BEST1: variants seen among roughly 807,000 people sequenced by gnomAD.
BEST1 encodes bestrophin-1.
Under a neutral mutation model 63.3 loss-of-function variants are expected in BEST1, and 58 were observed. The ratio of observed to expected loss-of-function variants is 0.92; its 90% CI spans 0.74 to 1.14. The LOEUF (loss-of-function observed/expected upper bound fraction) is 1.14. BEST1 is among the 50% of genes most tolerant of loss of function. The probability of loss-of-function intolerance (pLI) is 0.00; values close to 1 mark genes in which losing one functional copy is unlikely to be tolerated. For synonymous variants in BEST1, 283 were observed against 291.6 expected (o/e 0.97, Z 0.30); for missense variants, 671 against 740.1 (o/e 0.91, Z 1.08).
chr11:61,956,536 TGAGGCTGAGTATCGG>T, intron 4 of BEST1, among the ~76,000 whole-genome samples: 1 of 152,008 alleles, frequency 6.6e-6, no homozygotes, highest in South Asian at 2.1e-4. Context: ...GCCTGCAGTC[TGAGGCTGAGTATCGG>T]GAGGCTGAGG....
intron 9 of BEST1, chr11:61,961,028 T>A (rs1836221062): frequency 6.6e-6 from 1 of 152,164 alleles, no homozygotes; most frequent in Non-Finnish European, 1.5e-5. Flanking sequence ...TTTCTTTTTT[T>A]TTTTTTAAAC....
In BEST1 at chr11:61,959,066, G is replaced by A. The variant is rs143986221; in HGVS notation, c.868-432G>A. 1.1e-3 allele frequency: 319 copies of A among 283,038 alleles called. 8 individuals are homozygous for A. In the East Asian group the frequency reaches 0.021, roughly 18 times the overall value. The allele number at this position is 283,038 out of a possible 1,614,324, so 17.5% of individuals were successfully genotyped here. ...TGTCCCCTGGACCCCTAAGGCAGACGCGTGTCACCTCTTCGGGGCTTTGTT... is the reference window on the plus strand; with the variant it reads ...TGTCCCCTGGACCCCTAAGGCAGACACGTGTCACCTCTTCGGGGCTTTGTT... On this transcript the variant is annotated intron_variant, in intron 7 of 10. Coordinates refer to ENST00000378043, the MANE Select transcript of BEST1 (RefSeq NM_004183.4).
chr11:61,957,951 G>A (rs1159673223), intron 6 of BEST1, among the ~76,000 whole-genome samples, 195 bp from the exon 7 acceptor site: 1 of 149,472 alleles, frequency 6.7e-6, no homozygotes, highest in African/African-American at 2.5e-5. Context: ...TCCAGCCTGG[G>A]CGACACAGCA....
At chr11:61,956,140 C>G (rs1478003260) in intron 4 of BEST1, among the ~76,000 whole-genome samples, 189 bp downstream of exon 4, 1 of 151,866 alleles carries the variant, frequency 6.6e-6, no homozygotes, top group African/African-American at 2.4e-5. Context: ...GAAGGTGGGG[C>G]GAGGCCAGGA....
Position 61,959,996 on chromosome 11 carries a change from C to T in BEST1, c.1053C>T (p.Ser351=), listed in dbSNP as rs939414505. 1.4e-5 allele frequency: 23 copies of T among 1,611,744 alleles called. No individual in the cohort carries two copies. Among genetic ancestry groups the T allele is most frequent in the South Asian group, 4.4e-5 (4 of 90,482 alleles). The change falls in exon 9 of 11, where the codon TCC becomes TCT. Residue 351 remains serine (S), a synonymous_variant. Transcript: ENST00000378043. ...PEPQPPYTAA[S]AQFRRASFMG... is the part of the protein sequence containing the mutation. The stretch of plus-strand genomic sequence containing the variant: ...CACAGCCCCCCTACACAGCTGCTTC[C>T]GCCCAGTTCCGTCGAGCCTCCTTTA...
Position 61,955,611 on chromosome 11 carries a change from C to T in BEST1, c.248-107C>T, listed in dbSNP as rs1460668159. On this transcript the variant is annotated intron_variant, in intron 3 of 10. Coordinates refer to ENST00000378043, the MANE Select transcript of BEST1 (RefSeq NM_004183.4). ...TTCCAGGAGGGCTGGGGGCTAGGCC[C>T]GCTCGCAGCAGAAAGCTGGAGGAGC... 5 of 1,306,730 alleles carry T rather than the reference C, an allele frequency of 3.8e-6. No individual in the cohort carries two copies. In the African/African-American group the frequency reaches 4.4e-5, roughly 12 times the overall value. The allele number at this position is 1,306,730 out of a possible 1,614,324, so 80.9% of individuals were successfully genotyped here.
rs281865280 is a variant in BEST1 at position 61,957,404 on chromosome 11, T to C, written c.654T>C (p.Arg218=). 6.2e-7 allele frequency: 1 copy of C among 1,613,492 alleles called. No homozygotes were observed. The highest frequency in any genetic ancestry group is 8.5e-7 in the Non-Finnish European group (1 of 1,179,474). ...QSLLNEMNTL[R]TQCGHLYAYD... is the part of the protein sequence containing the mutation. ...CCCCCCAGGAGATGAACACCTTGCG[T>C]ACTCAGTGTGGACACCTGTATGCCT... The change falls in exon 6 of 11, where the codon CGT becomes CGC. Residue 218 remains arginine (R), a synonymous_variant. Transcript: ENST00000378043.
intron 9 of BEST1, chr11:61,960,262 A>G (rs1211541949): frequency 1.5e-6 from 1 of 673,100 alleles, no homozygotes; most frequent in African/African-American, 1.8e-5. Flanking sequence ...AGAGAGAGTA[A>G]GTTGTCCAAG....
In BEST1 at chr11:61,962,782, A is replaced by G. The variant is rs762277977; in HGVS notation, c.1628A>G (p.Asp543Gly). The change falls in exon 10 of 11, where the codon GAT (aspartate) becomes GGT (glycine). Residue 543 changes from aspartate to glycine, a missense_variant. By Grantham distance (94) the Asp-to-Gly change is moderately conservative. Coordinates refer to ENST00000378043, the MANE Select transcript of BEST1 (RefSeq NM_004183.4). ...RRKTVEFNLT[D>G]MPEIPENHLK... Reference sequence around the variant, plus strand: ...AAAACTGTGGAGTTTAACCTGACGGATATGCCAGAGATCCCCGAAAATCAC... The same window carrying G: ...AAAACTGTGGAGTTTAACCTGACGGGTATGCCAGAGATCCCCGAAAATCAC... The G allele has an allele frequency of 9.3e-6, 15 of 1,614,220 alleles. No individual in the cohort carries two copies. The South Asian group carries it at 1.2e-4, about 13-fold the overall frequency.
chr11:61,964,569 T>C, downstream of BEST1: 2 of 845,746 alleles, frequency 2.4e-6, no homozygotes, highest in Non-Finnish European at 3.8e-6. Context: ...AACACCTGGG[T>C]ACCAAATTTC....
At position 61,960,030 on chromosome 11, in the gene BEST1, A is replaced by G. The variant is rs147228028; in HGVS notation, c.1087A>G (p.Thr363Ala). 1 of 1,609,042 alleles carries G rather than the reference A, an allele frequency of 6.2e-7. No homozygotes were observed. The highest frequency in any genetic ancestry group is 8.5e-7 in the Non-Finnish European group (1 of 1,178,166). ...QFRRASFMGS[T>A]FNISLNKEEM... ...CCGTCGAGCCTCCTTTATGGGCTCC[A>G]CCTTCAACATCAGGTGTGGCCAGAG... is the stretch of plus-strand genomic sequence containing the variant. The change falls in exon 9 of 11, where the codon ACC (threonine) becomes GCC (alanine). Residue 363 changes from threonine to alanine, a missense_variant. By Grantham distance (58) the Thr-to-Ala change is moderately conservative. Coordinates refer to ENST00000378043, the MANE Select transcript of BEST1 (RefSeq NM_004183.4).
At chr11:61,958,634 C>T (rs1364400161) in intron 7 of BEST1, 3 of 567,234 alleles carry the variant, frequency 5.3e-6, no homozygotes, top group East Asian at 3.2e-5. Flanking sequence ...ATCGGCACCA[C>T]CTCTCCTTAT....
In BEST1 at chr11:61,959,975, GC is replaced by G. The variant is rs762072466; in HGVS notation, c.1038del (p.Tyr347ThrfsTer22). 2.5e-6 allele frequency: 4 copies of G among 1,612,550 alleles called. No homozygotes were observed. Among genetic ancestry groups the G allele is most frequent in the Non-Finnish European group, 8.5e-7 (1 of 1,179,454 alleles). ...DMYWNKPEPQ[P>X]PYTAASAQFR... The stretch of plus-strand genomic sequence containing the variant: ...TGTACTGGAATAAGCCCGAGCCACA[GC>G]CCCCCTACACAGCTGCTTCCGCCCA... On this transcript the variant is annotated frameshift_variant, in exon 9 of 11. Transcript: ENST00000378043. LOFTEE classifies it high-confidence loss of function.
Position 61,959,956 on chromosome 11 carries a change from G to T in BEST1, c.1013G>T (p.Trp338Leu). ...CCTCGGATGGAGCCGGACATGTACT[G>T]GAATAAGCCCGAGCCACAGCCCCCC... ...DLPRMEPDMY[W>L]NKPEPQPPYT... The change falls in exon 9 of 11, where the codon TGG (tryptophan) becomes TTG (leucine). Residue 338 changes from tryptophan (W) to leucine (L), a missense_variant. Physicochemically the swap from Trp to Leu is moderately conservative, Grantham distance 61. Coordinates refer to ENST00000378043, the MANE Select transcript of BEST1 (RefSeq NM_004183.4). 1 of 1,612,842 alleles carries T rather than the reference G, an allele frequency of 6.2e-7. No homozygotes were observed.
chr11:61,959,417 A>C, intron 7 of BEST1, 81 bp from the exon 8 acceptor site: 1 of 1,362,892 alleles, frequency 7.3e-7, no homozygotes, highest in Non-Finnish European at 1.0e-6. Flanking sequence ...GTGTGGAAAT[A>C]GCAGCAGCTG....
At position 61,955,133 on chromosome 11, in the gene BEST1, T is replaced by C; in HGVS notation, c.179T>C (p.Leu60Pro). The change falls in exon 3 of 11, where the codon CTG becomes CCG. Residue 60 changes from leucine (L) to proline (P), a missense_variant. Coordinates refer to ENST00000378043, the MANE Select transcript of BEST1 (RefSeq NM_004183.4). Reference protein sequence around the residue: ...YRLALTEEQQLMFEKLTLYCD... With the variant: ...YRLALTEEQQPMFEKLTLYCD... ...CTGGCCCTCACGGAAGAACAACAGC[T>C]GATGTTTGAGAAACTGACTCTGTAT... The C allele has an allele frequency of 6.5e-7, 1 of 1,546,798 alleles. No individual in the cohort carries two copies. Among genetic ancestry groups the C allele is most frequent in the Non-Finnish European group, 8.9e-7 (1 of 1,118,004 alleles).
downstream of BEST1, chr11:61,965,022 G>T (rs1304849089): frequency 6.2e-7 from 1 of 1,613,672 alleles, no homozygotes; most frequent in African/African-American, 1.3e-5. Context: ...AGTTTGTGCA[G>T]TTCCAGTAGT....
At chr11:61,952,709 T>C (rs1940843247) in intron 2 of BEST1, among the ~76,000 whole-genome samples, 1 of 151,748 alleles carries the variant, frequency 6.6e-6, no homozygotes, top group Admixed American at 6.6e-5. Context: ...ACCCCTGACC[T>C]CAAGTGATCC....
chr11:61,952,788 T>G lies in BEST1; in HGVS notation c.152+830T>G, dbSNP rs576121520. Among the ~76,000 whole-genome samples the G allele has an allele frequency of 7.9e-5, 12 of 152,132 alleles. No homozygotes were observed. In the East Asian group the frequency reaches 1.4e-3, roughly 17 times the overall value. ...CACCATGCACAGCCCACATGGTACA[T>G]TTTTTAAAATTATTTTTTAATTAAA... On this transcript the variant is annotated intron_variant, in intron 2 of 10. Transcript: ENST00000378043.
Sources: gnomAD v4.1 joint callset for allele counts (sites outside exome capture counted in the v4.1 genomes callset) on GRCh38, gnomAD v4.1.1 for gene constraint, MANE v1.5 for transcripts, NCBI Gene and HGNC (gene_info 2026-07-23, HGNC 2026-07-21) for gene names.